The following DNAH11 variants were observed in gnomAD, a reference collection of about 807,000 sequenced individuals.
The protein encoded by DNAH11 is dynein axonemal heavy chain 11, also known as axonemal beta dynein heavy chain 11.
Under a neutral mutation model 526.0 loss-of-function variants are expected in DNAH11, and 442 were observed. The observed-to-expected ratio is 0.84, with a 90% CI of 0.78 to 0.91. DNAH11 has a LOEUF of 0.91. DNAH11 is among the 40% of genes least tolerant of loss of function. The probability of loss-of-function intolerance (pLI) is 0.00; values close to 1 mark genes in which losing one functional copy is unlikely to be tolerated. For missense variants in DNAH11, 6,989 were observed against 5,448.7 expected (o/e 1.28, Z -8.90); for synonymous variants, 2,461 against 1,935.9 (o/e 1.27, Z -7.12).
chr7:21,741,031 G>T (rs185436800), intron 48 of DNAH11, among the ~76,000 whole-genome samples: 44 of 152,202 alleles, frequency 2.9e-4, no homozygotes, highest in Admixed American at 5.9e-4. Context: ...TCGGAGAAAC[G>T]TCTATTCAAG....
chr7:21,786,844 C>T lies in DNAH11; in HGVS notation c.9741+77C>T, dbSNP rs890123799. The stretch of plus-strand genomic sequence containing the variant: ...TCAGTACTGTGGTTATGCTTAATAG[C>T]AAAAGATGTTTAAGTCAGAAGAAAT... On this transcript the variant is annotated intron_variant, in intron 59 of 81. Transcript: ENST00000409508. The T allele has an allele frequency of 3.2e-6, 5 of 1,546,772 alleles. No homozygotes were observed. The African/African-American group carries it at 6.8e-5, about 21-fold the overall frequency.
chr7:21,714,580 AT>A lies in DNAH11; in HGVS notation c.6983+2721del, dbSNP rs1784580649. ...TACTCAGTTACCTTCTGAGATAGAC[AT>A]AATTATTAACCCAATTTTCCAAGCG... On this transcript the variant is annotated intron_variant, in intron 42 of 81. Coordinates refer to ENST00000409508, the MANE Select transcript of DNAH11 (RefSeq NM_001277115.2). Among the ~76,000 whole-genome samples, 3 of 152,324 alleles carry A rather than the reference AT, an allele frequency of 2.0e-5. No individual in the cohort carries two copies. The South Asian group carries it at 6.2e-4, about 32-fold the overall frequency.
intron 30 of DNAH11, among the ~76,000 whole-genome samples, chr7:21,671,236 A>G (rs529118208): frequency 6.6e-6 from 1 of 152,232 alleles, no homozygotes; most frequent in East Asian, 1.9e-4. Flanking sequence ...ATATTTGCCC[A>G]TTTTAAGTAA....
chr7:21,886,427 TG>T (rs1192198967), intron 76 of DNAH11, among the ~76,000 whole-genome samples: 1 of 152,138 alleles, frequency 6.6e-6, no homozygotes, highest in African/African-American at 2.4e-5. Flanking sequence ...AAATGCACAA[TG>T]TTATGTAATT....
intron 61 of DNAH11, among the ~76,000 whole-genome samples, chr7:21,793,489 C>G (rs934479825): frequency 6.6e-6 from 1 of 151,944 alleles, no homozygotes; most frequent in Non-Finnish European, 1.5e-5. Context: ...GGTGGCACGC[C>G]CTTGTAGTCC....
At chr7:21,755,422 C>A (rs1159112526) in intron 54 of DNAH11, among the ~76,000 whole-genome samples, 1 of 152,094 alleles carries the variant, frequency 6.6e-6, no homozygotes, top group African/African-American at 2.4e-5. Context: ...CCATATGATG[C>A]TGTAGGGCAA....
intron 63 of DNAH11, among the ~76,000 whole-genome samples, chr7:21,814,364 T>A (rs914558524): frequency 2.6e-5 from 4 of 151,514 alleles, no homozygotes; most frequent in Admixed American, 1.3e-4. Context: ...TTTTTTATTT[T>A]TTTATTTTTA....
At chr7:21,575,636 A>G (rs997286019) in intron 8 of DNAH11, among the ~76,000 whole-genome samples, 2 of 152,182 alleles carry the variant, frequency 1.3e-5, no homozygotes, top group Non-Finnish European at 2.9e-5. Flanking sequence ...GAAAGGTAAC[A>G]TCTGTAAAAA....
At chr7:21,886,287 C>T (rs1343235106) in intron 76 of DNAH11, among the ~76,000 whole-genome samples, 1 of 151,836 alleles carries the variant, frequency 6.6e-6, no homozygotes, top group Non-Finnish European at 1.5e-5. Flanking sequence ...TCATATTAGT[C>T]TAATATTTAG....
intron 63 of DNAH11, among the ~76,000 whole-genome samples, chr7:21,813,234 A>C (rs12700308): frequency 0.41 from 61,611 of 151,846 alleles, 13,341 homozygotes; most frequent in East Asian, 0.82. Context: ...AGGCAAGTTC[A>C]AGGCAGCCTT....
rs560800902 is a variant in DNAH11 at position 21,717,091 on chromosome 7, G to A, written c.6984-684G>A. ...TAACATCATACATTTTTGCCCTGTA[G>A]ACTACTATAGGTGCTACTAAGTCAT... On this transcript the variant is annotated intron_variant, in intron 42 of 81. Transcript: ENST00000409508. 2.2e-4 allele frequency among the ~76,000 whole-genome samples: 33 copies of A among 152,184 alleles called. No homozygotes were observed. The South Asian group carries it at 6.4e-3, about 30-fold the overall frequency.
At chr7:21,722,665 T>C (rs1450444893) in intron 44 of DNAH11, among the ~76,000 whole-genome samples, 2 of 152,174 alleles carry the variant, frequency 1.3e-5, no homozygotes, top group Non-Finnish European at 2.9e-5. Context: ...CCAAGTGCTT[T>C]CTAAAGATTA....
At chr7:21,876,710 C>T (rs146417602) in intron 74 of DNAH11, among the ~76,000 whole-genome samples, 1 of 152,148 alleles carries the variant, frequency 6.6e-6, no homozygotes, top group South Asian at 2.1e-4. Context: ...AGTTGCAGCC[C>T]CCATATCCAC....
intron 5 of DNAH11, chr7:21,561,593 T>A (rs1783462871): frequency 6.4e-6 from 1 of 155,362 alleles, no homozygotes; most frequent in African/African-American, 2.4e-5. Flanking sequence ...ATTGAAGTTT[T>A]GGTGAAGATT....
chr7:21,775,277 C>G (rs1050725119), intron 56 of DNAH11, among the ~76,000 whole-genome samples: 9 of 152,102 alleles, frequency 5.9e-5, no homozygotes, highest in Non-Finnish European at 1.2e-4. Context: ...AGGAAACCCA[C>G]AAATAGCATA....
At chr7:21,814,452 T>G (rs1017954927) in intron 63 of DNAH11, among the ~76,000 whole-genome samples, 2 of 151,584 alleles carry the variant, frequency 1.3e-5, no homozygotes, top group African/African-American at 4.8e-5. Context: ...GCCATGCTGG[T>G]GCACTGCACC....
chr7:21,702,810 A>G lies in DNAH11; in HGVS notation c.6273+8A>G. ...AATAGACCCGAAGATCAGGTACTGC[A>G]ATGCTAATATGATTTTGTTGAGTGA... On this transcript the variant is annotated splice_region_variant and intron_variant, in intron 37 of 81. Transcript: ENST00000409508. The G allele has an allele frequency of 6.2e-7, 1 of 1,609,814 alleles. No homozygotes were observed. The highest frequency in any genetic ancestry group is 8.5e-7 in the Non-Finnish European group (1 of 1,177,280).
chr7:21,620,047 A>C lies in DNAH11; in HGVS notation c.4469A>C (p.Glu1490Ala). ...RTGIPLLKSD[E>A]QLFETLEHNQ... ...GGCATTCCATTACTAAAGTCTGATG[A>C]ACAACTTTTTGAAACTCTAGAGCAC... is the stretch of plus-strand genomic sequence containing the variant. The change falls in exon 25 of 82, where the codon GAA (glutamate) becomes GCA (alanine). Residue 1490 changes from glutamate to alanine, a missense_variant. Transcript: ENST00000409508. 6.2e-7 allele frequency: 1 copy of C among 1,603,100 alleles called. No individual in the cohort carries two copies. The highest frequency in any genetic ancestry group is 8.5e-7 in the Non-Finnish European group (1 of 1,176,700).
At chr7:21,571,730 A>C in intron 7 of DNAH11, 76 bp from the exon 8 acceptor site, 2 of 1,131,982 alleles carry the variant, frequency 1.8e-6, no homozygotes, top group Non-Finnish European at 2.4e-6. Flanking sequence ...ACATTTGAAA[A>C]TGTTCTTGAT....
Sources: allele counts gnomAD v4.1 joint callset (sites outside exome capture counted in the v4.1 genomes callset), GRCh38; gene constraint gnomAD v4.1.1; transcripts MANE v1.5; gene names NCBI Gene and HGNC (gene_info 2026-07-23, HGNC 2026-07-21).